The following PLEKHG4B variants were observed in gnomAD, a reference collection of about 807,000 sequenced individuals.
The protein encoded by PLEKHG4B is pleckstrin homology and RhoGEF domain containing G4B.
Under a neutral mutation model 121.3 loss-of-function variants are expected in PLEKHG4B, and 111 were observed. The ratio of observed to expected loss-of-function variants is 0.92; its 90% CI spans 0.78 to 1.07. PLEKHG4B has a LOEUF of 1.07. Ranked by LOEUF, PLEKHG4B falls within the 50% of genes least tolerant of loss-of-function variation. PLEKHG4B has a pLI of 0.00. For missense variants in PLEKHG4B, 1,831 were observed against 1,757.8 expected (o/e 1.04, Z -0.74); for synonymous variants, 738 against 725.0 (o/e 1.02, Z -0.29).
At chr5:172,501 C>T (rs982204100) in intron 16 of PLEKHG4B, among the ~76,000 whole-genome samples, 7 of 152,076 alleles carry the variant, frequency 4.6e-5, no homozygotes, top group East Asian at 1.9e-4. Flanking sequence ...AAAATGGACG[C>T]GAGGGCTTTG....
intron 17 of PLEKHG4B, 137 bp from the exon 18 acceptor site, chr5:173,781 C>T (rs1053036632): frequency 1.0e-5 from 10 of 993,342 alleles, no homozygotes; most frequent in Middle Eastern, 2.4e-4. Context: ...AGTGTGGTCT[C>T]GCTCACCCTG....
intron 2 of PLEKHG4B, among the ~76,000 whole-genome samples, chr5:130,005 G>A (rs1438238587): frequency 6.6e-6 from 1 of 151,952 alleles, no homozygotes; most frequent in African/African-American, 2.4e-5. Flanking sequence ...GAAAATGTCT[G>A]TATAGGTTTT....
At chr5:145,250 G>T (rs1411300149) in intron 6 of PLEKHG4B, among the ~76,000 whole-genome samples, 1 of 152,218 alleles carries the variant, frequency 6.6e-6, no homozygotes, top group African/African-American at 2.4e-5. Context: ...GGAGGGCAGC[G>T]CAGCCCCATC....
intron 2 of PLEKHG4B, among the ~76,000 whole-genome samples, chr5:133,716 C>T (rs1271660612): frequency 9.2e-5 from 14 of 151,930 alleles, no homozygotes; most frequent in African/African-American, 2.4e-4. Context: ...TGGAAAACAG[C>T]GTGGAGATTC....
At chr5:154,217 G>A (rs1353556873) in intron 7 of PLEKHG4B, among the ~76,000 whole-genome samples, 1 of 150,486 alleles carries the variant, frequency 6.6e-6, no homozygotes, top group Non-Finnish European at 1.5e-5. Context: ...TGTTGGCCAG[G>A]ATATCCTCGA....
chr5:105,978 T>C (rs1014210919), intron 1 of PLEKHG4B, among the ~76,000 whole-genome samples: 9 of 152,198 alleles, frequency 5.9e-5, no homozygotes, highest in Admixed American at 5.2e-4. Flanking sequence ...TTGGACGCAA[T>C]GGTAGAAAAG....
In PLEKHG4B at chr5:171,006, C is replaced by T. The variant is rs779025292; in HGVS notation, c.3730-37C>T. The stretch of plus-strand genomic sequence containing the variant: ...GGGAGCCTGCTGTCTCTGGGCCTGT[C>T]ACTCCCACAGCCAAGCAGTCGCCTC... On this transcript the variant is annotated intron_variant, in intron 14 of 19. Coordinates refer to ENST00000637938, the MANE Select transcript of PLEKHG4B (RefSeq NM_052909.5). 1.9e-6 allele frequency: 3 copies of T among 1,554,250 alleles called. No homozygotes were observed. In the East Asian group the frequency reaches 6.7e-5, roughly 35 times the overall value.
chr5:143,472 C>G lies in PLEKHG4B; in HGVS notation c.1780C>G (p.Arg594Gly), dbSNP rs372761117. The change falls in exon 5 of 20, where the codon CGC (arginine) becomes GGC (glycine). Residue 594 changes from arginine (R) to glycine (G), a missense_variant. Coordinates refer to ENST00000637938, the MANE Select transcript of PLEKHG4B (RefSeq NM_052909.5). ...ACACTCGTCCTGTGCTGAGCTGACC[C>G]GCCTGCTGCTGTACTTCCATAGCAT... is the stretch of plus-strand genomic sequence containing the variant. ...REHSSCAELTRLLLYFHSIPR... is the reference protein window; with the variant it reads ...REHSSCAELTGLLLYFHSIPR... 6.2e-7 allele frequency: 1 copy of G among 1,612,902 alleles called. No individual in the cohort carries two copies. The highest frequency in any genetic ancestry group is 1.1e-5 in the South Asian group (1 of 91,084).
chr5:180,809 C>T (rs1322898584), intron 18 of PLEKHG4B, among the ~76,000 whole-genome samples: 3 of 152,230 alleles, frequency 2.0e-5, no homozygotes, highest in African/African-American at 7.2e-5. Context: ...TCAGCCCTTT[C>T]CCTGCAAGAG....
Position 156,905 on chromosome 5 carries a change from T to TGACCAGGTCAGAGCTGCAGGAGGAAGGC in PLEKHG4B, c.2483_2487+23dup, listed in dbSNP as rs774945286. On this transcript the variant is annotated frameshift_variant, in exon 11 of 20. Coordinates refer to ENST00000637938, the MANE Select transcript of PLEKHG4B (RefSeq NM_052909.5). LOFTEE classifies it high-confidence loss of function. This position sits in a 1 kb window ranked among gnomAD's most constrained non-coding sequence, Gnocchi z 4.4. The stretch of plus-strand genomic sequence containing the variant: ...AGCTGGCGTCACTCCTGGAAGGGAA[T>TGACCAGGTCAGAGCTGCAGGAGGAAGGC]GACCAGGTCAGAGCTGCAGGAGGAA... 1.2e-6 allele frequency: 2 copies of TGACCAGGTCAGAGCTGCAGGAGGAAGGC among 1,611,760 alleles called. No individual in the cohort carries two copies. Among genetic ancestry groups the TGACCAGGTCAGAGCTGCAGGAGGAAGGC allele is most frequent in the South Asian group, 2.2e-5 (2 of 90,504 alleles).
chr5:156,194 GGCACAGAAGACA>G lies in PLEKHG4B; in HGVS notation c.2335_2346del (p.Thr779_Ser782del). 6.5e-7 allele frequency: 1 copy of G among 1,545,654 alleles called. No individual in the cohort carries two copies. On this transcript the variant is annotated inframe_deletion, in exon 10 of 20. Coordinates refer to ENST00000637938, the MANE Select transcript of PLEKHG4B (RefSeq NM_052909.5). The surrounding 1 kb of genome is among the most constrained non-coding windows in gnomAD (Gnocchi z 4.4). ...GGCGCGGCTGAGGAGAGAAGAGCTT[GGCACAGAAGACA>G]GCCGGTGAGCGCTCACAGGGGTCAT...
chr5:127,414 G>T (rs116460392), intron 2 of PLEKHG4B, among the ~76,000 whole-genome samples: 3,082 of 149,440 alleles, frequency 0.021, 60 homozygotes, highest in Non-Finnish European at 0.031. Flanking sequence ...AGCCTGAGGT[G>T]TAACCGTAAG....
chr5:158,012 T>C (rs902613824), intron 11 of PLEKHG4B, among the ~76,000 whole-genome samples: 2 of 152,112 alleles, frequency 1.3e-5, no homozygotes, highest in Non-Finnish European at 2.9e-5. Context: ...CTCCCAAATA[T>C]TGGCCAGGGG....
At chr5:103,767 T>C (rs1055963508) in intron 1 of PLEKHG4B, among the ~76,000 whole-genome samples, 1 of 152,234 alleles carries the variant, frequency 6.6e-6, no homozygotes, top group African/African-American at 2.4e-5. Context: ...TACAACAAAT[T>C]ATTAACTGTA....
intron 1 of PLEKHG4B, among the ~76,000 whole-genome samples, chr5:98,837 C>CTTTTTTTT (rs925964165): frequency 0.051 from 4,031 of 79,058 alleles, 301 homozygotes; most frequent in African/African-American, 0.13. Context: ...TTGAATTTTC[C>CTTTTTTTT]TTTTTTTTTT....
chr5:122,768 T>C (rs191915630), intron 2 of PLEKHG4B, among the ~76,000 whole-genome samples: 1 of 152,022 alleles, frequency 6.6e-6, no homozygotes, highest in African/African-American at 2.4e-5. Flanking sequence ...CCTAAAAAAA[T>C]GGGAAAATAC....
chr5:145,357 A>G (rs1304827903), intron 6 of PLEKHG4B, among the ~76,000 whole-genome samples: 2 of 152,114 alleles, frequency 1.3e-5, no homozygotes, highest in Non-Finnish European at 2.9e-5. Context: ...AGGGGCAGCC[A>G]TAGTTCACTG....
At chr5:116,570 G>A (rs898412866) in intron 2 of PLEKHG4B, among the ~76,000 whole-genome samples, 1 of 152,202 alleles carries the variant, frequency 6.6e-6, no homozygotes, top group Non-Finnish European at 1.5e-5. Context: ...TGTTTCTTGG[G>A]ATATTTATGC....
At chr5:154,472 A>G (rs546165092) in intron 7 of PLEKHG4B, among the ~76,000 whole-genome samples, 1 of 152,096 alleles carries the variant, frequency 6.6e-6, no homozygotes, top group Non-Finnish European at 1.5e-5. Flanking sequence ...GTGCCCCAAC[A>G]ATGAGCCTGA....
Sources: allele counts gnomAD v4.1 joint callset (sites outside exome capture counted in the v4.1 genomes callset), GRCh38; gene constraint gnomAD v4.1.1; non-coding constraint Gnocchi (gnomAD v3.1); transcripts MANE v1.5; gene names NCBI Gene and HGNC (gene_info 2026-07-23, HGNC 2026-07-21).